The following TMEM192 variants were observed in gnomAD, a reference collection of about 807,000 sequenced individuals.
TMEM192 encodes transmembrane protein 192.
TMEM192 carries 20 observed loss-of-function variants against 26.7 expected under a neutral mutation model. That is an observed-to-expected ratio of 0.75 (90% confidence interval 0.53 to 1.09). The LOEUF (loss-of-function observed/expected upper bound fraction) is 1.09. Among genes scored for constraint, TMEM192 ranks in the 50% least tolerant of loss-of-function variants. The probability of loss-of-function intolerance (pLI) is 0.00; values close to 1 mark genes in which losing one functional copy is unlikely to be tolerated. For missense variants in TMEM192, 304 were observed against 322.6 expected, an observed-to-expected ratio of 0.94 and a Z score of 0.44; for synonymous variants, 124 against 121.0, an observed-to-expected ratio of 1.02 and a Z score of -0.16.
intron 1 of TMEM192, among the ~76,000 whole-genome samples, chr4:165,108,379 T>C (rs998420917): frequency 2.0e-5 from 3 of 152,004 alleles, no homozygotes; most frequent in Non-Finnish European, 4.4e-5. Context: ...CCTCAGCCTC[T>C]CAAAGTGCCG....
intron 5 of TMEM192, among the ~76,000 whole-genome samples, chr4:165,081,140 TTAA>T (rs1734509822): frequency 6.6e-6 from 1 of 152,308 alleles, no homozygotes. Context: ...CTGTGTGAAC[TTAA>T]TAAGTTACCT....
chr4:165,091,534 C>T (rs57475345), intron 3 of TMEM192, among the ~76,000 whole-genome samples: 1,643 of 152,132 alleles, frequency 0.011, 17 homozygotes, highest in African/African-American at 0.023. Context: ...TATGTAGGAA[C>T]GTAGAAAAGC....
chr4:165,092,512 C>T (rs1734791990), intron 3 of TMEM192, among the ~76,000 whole-genome samples: 1 of 152,154 alleles, frequency 6.6e-6, no homozygotes, highest in Admixed American at 6.6e-5. Flanking sequence ...TACCTGTTTG[C>T]ACCCCCTACC....
chr4:165,107,266 C>G (rs1328950738), intron 1 of TMEM192, among the ~76,000 whole-genome samples: 1 of 151,956 alleles, frequency 6.6e-6, no homozygotes, highest in Non-Finnish European at 1.5e-5. Context: ...CTCAAGTGGT[C>G]CACCCTCAGC....
chr4:165,104,257 A>G (rs1259148749), intron 1 of TMEM192, among the ~76,000 whole-genome samples: 1 of 152,224 alleles, frequency 6.6e-6, no homozygotes, highest in African/African-American at 2.4e-5. Flanking sequence ...CAGCAAATGA[A>G]AAGCATAGAA....
chr4:165,111,898 A>G (rs561486435), intron 1 of TMEM192, among the ~76,000 whole-genome samples: 1 of 152,294 alleles, frequency 6.6e-6, no homozygotes, highest in South Asian at 2.1e-4. Flanking sequence ...GTAACTGTCA[A>G]CTTTGCATTT....
intron 1 of TMEM192, among the ~76,000 whole-genome samples, chr4:165,109,945 T>C (rs1289478245): frequency 1.3e-5 from 2 of 152,216 alleles, no homozygotes; most frequent in African/African-American, 4.8e-5. Flanking sequence ...TTTGGAATAT[T>C]TCTTATGCTG....
In TMEM192 at chr4:165,085,611, T is replaced by G; in HGVS notation, c.652A>C (p.Asn218His). 6.2e-7 allele frequency: 1 copy of G among 1,612,250 alleles called. No individual in the cohort carries two copies. Among genetic ancestry groups the G allele is most frequent in the Non-Finnish European group, 8.5e-7 (1 of 1,179,364 alleles). The change falls in exon 5 of 6, where the codon AAT becomes CAT. Residue 218 changes from asparagine (N) to histidine (H), a missense_variant. Asn to His is a moderately conservative substitution (Grantham distance 68). Coordinates refer to ENST00000306480, the MANE Select transcript of TMEM192 (RefSeq NM_001100389.2). ...EEEKIYAYPS[N>H]ITSETGFRTI... ...CTGAATCCAGTCTCCGAGGTAATAT[T>G]GCTGGGGTAAGCATAGATTTTTTCT...
At chr4:165,089,390 G>T (rs930423141) in intron 3 of TMEM192, among the ~76,000 whole-genome samples, 1 of 151,946 alleles carries the variant, frequency 6.6e-6, no homozygotes, top group Admixed American at 6.6e-5. Flanking sequence ...GCGCTATCTC[G>T]GCTCACTGCA....
intron 2 of TMEM192, among the ~76,000 whole-genome samples, chr4:165,101,979 G>A (rs1735048906): frequency 6.6e-6 from 1 of 152,194 alleles, no homozygotes; most frequent in Non-Finnish European, 1.5e-5. Context: ...TGGTGAGAAT[G>A]AGCCCTCTTG....
chr4:165,107,700 G>A (rs972448245), intron 1 of TMEM192, among the ~76,000 whole-genome samples: 5 of 151,842 alleles, frequency 3.3e-5, no homozygotes, highest in African/African-American at 7.3e-5. Context: ...TATGATACCC[G>A]TCTTTCATGA....
At chr4:165,108,740 C>T (rs1375180826) in intron 1 of TMEM192, among the ~76,000 whole-genome samples, 5 of 152,158 alleles carry the variant, frequency 3.3e-5, no homozygotes, top group African/African-American at 4.8e-5. Flanking sequence ...GCCTGGTAGG[C>T]GCAGGGCCAG....
intron 3 of TMEM192, among the ~76,000 whole-genome samples, chr4:165,090,135 C>T (rs958756671): frequency 5.0e-5 from 7 of 139,256 alleles, no homozygotes; most frequent in South Asian, 4.9e-4. Flanking sequence ...CACTTGAACC[C>T]GGGAGGTGGA....
Position 165,088,491 on chromosome 4 carries a change from A to G in TMEM192, c.551T>C (p.Leu184Pro), listed in dbSNP as rs1734677951. 3.7e-6 allele frequency: 6 copies of G among 1,613,490 alleles called. No homozygotes were observed. In the East Asian group the frequency reaches 1.1e-4, roughly 30 times the overall value. Residue 184 changes from leucine to proline, a missense_variant, in exon 4 of 6, where the codon CTG becomes CCG. Leu to Pro is a moderately conservative substitution (Grantham distance 98). Coordinates refer to ENST00000306480, the MANE Select transcript of TMEM192 (RefSeq NM_001100389.2). ...ACCTGTGTAAATGAGGAGACATATC[A>G]GGGAACAGATGAGTTCCAGTGCCAA... ...AILALELICS[L>P]ICLLIYTVKI...
rs1445626113 is a variant in TMEM192, at chr4:165,088,472, G to A, written c.570C>T (p.Tyr190=). The stretch of plus-strand genomic sequence containing the variant: ...CAGGCTCGTTGTAATTCTCACCTGT[G>A]TAAATGAGGAGACATATCAGGGAAC... The part of the protein sequence containing the change: ...LICSLICLLI[Y]TVKIRRFNKA... Residue 190 remains tyrosine (Y), a synonymous_variant, in exon 4 of 6, where the codon TAC becomes TAT. Transcript: ENST00000306480. The A allele has an allele frequency of 1.2e-6, 2 of 1,612,782 alleles. No homozygotes were observed. Among genetic ancestry groups the A allele is most frequent in the East Asian group, 4.5e-5 (2 of 44,872 alleles).
chr4:165,091,310 GAC>G (rs1399084851), intron 3 of TMEM192, among the ~76,000 whole-genome samples: 2 of 152,098 alleles, frequency 1.3e-5, no homozygotes, highest in Non-Finnish European at 2.9e-5. Context: ...TCTTTCAATT[GAC>G]ATCTGAAATA....
In TMEM192 at chr4:165,100,971, C is replaced by CTTT. The variant is rs71602569; in HGVS notation, c.175-82_175-80dup. 2,540 of 769,882 alleles carry CTTT rather than the reference C, an allele frequency of 3.3e-3. 6 individuals carry two copies. Among genetic ancestry groups the CTTT allele is most frequent in the African/African-American group, 0.01 (472 of 45,834 alleles). The allele number at this position is 769,882 out of a possible 1,614,324, so 47.7% of individuals were successfully genotyped here. A position where few individuals can be genotyped will look rare whatever the true frequency, so the allele number is the denominator to read the frequency against. On this transcript the variant is annotated intron_variant, in intron 2 of 5. Transcript: ENST00000306480. ...AATAACTACCATCCCAGCATACATT[C>CTTT]TTTTTTTTTTTTTTTTTTTTTCTGA...
At position 165,072,949 on chromosome 4, in the gene TMEM192, C is replaced by T. The variant is rs754039487; in HGVS notation, c.*6709G>A. The T allele has an allele frequency of 6.6e-6, 1 of 151,792 alleles. No homozygotes were observed. The highest frequency in any genetic ancestry group is 2.4e-5 in the African/African-American group (1 of 41,264). The allele number at this position is 151,792 out of a possible 1,614,324, so 9.4% of individuals were successfully genotyped here. On this transcript the variant is annotated 3_prime_UTR_variant, in exon 6 of 6. Coordinates refer to ENST00000306480, the MANE Select transcript of TMEM192 (RefSeq NM_001100389.2). Reference sequence around the variant, plus strand: ...TCAAAGTCATGAGATTGTGTGAGACCACCAAGAGAGTGAACGCTGATGGAG... The same window carrying T: ...TCAAAGTCATGAGATTGTGTGAGACTACCAAGAGAGTGAACGCTGATGGAG...
At position 165,099,161 on chromosome 4, in the gene TMEM192, G is replaced by A. The variant is rs567528280; in HGVS notation, c.439+1467C>T. ...ACTCTGTCACCCAGGCTGGAGTCTG[G>A]AGTGCAGTGGCATGATCTCGGCTCA... On this transcript the variant is annotated intron_variant, in intron 3 of 5. Transcript: ENST00000306480. Among the ~76,000 whole-genome samples, 3 of 144,652 alleles carry A rather than the reference G, an allele frequency of 2.1e-5. 1 individual carries two copies. In the South Asian group the frequency reaches 6.5e-4, roughly 32 times the overall value. The allele number at this position is 144,652 out of a possible 152,430, so 94.9% of individuals were successfully genotyped here.
Sources: gnomAD v4.1 joint callset for allele counts (sites outside exome capture counted in the v4.1 genomes callset) on GRCh38, gnomAD v4.1.1 for gene constraint, MANE v1.5 for transcripts, NCBI Gene and HGNC (gene_info 2026-07-23, HGNC 2026-07-21) for gene names.